The following RNPEPL1 variants were observed in gnomAD, a reference collection of about 807,000 sequenced individuals.
The protein encoded by RNPEPL1 is arginyl aminopeptidase like 1, also known as aminopeptidase RNPEPL1.
RNPEPL1 carries 46 observed loss-of-function variants against 69.0 expected under a neutral mutation model. The ratio of observed to expected loss-of-function variants is 0.67; its 90% CI spans 0.53 to 0.85. The LOEUF (loss-of-function observed/expected upper bound fraction) is 0.85. Ranked by LOEUF, RNPEPL1 falls within the 40% of genes least tolerant of loss-of-function variation. The pLI is 0.00. For synonymous variants in RNPEPL1, 525 were observed against 454.1 expected (o/e 1.16, Z -1.98); for missense variants, 869 against 992.5 (o/e 0.88, Z 1.67).
At chr2:240,572,004 C>G (rs550293121) in intron 1 of RNPEPL1, among the ~76,000 whole-genome samples, 1 of 152,236 alleles carries the variant, frequency 6.6e-6, no homozygotes, top group Admixed American at 6.5e-5. Context: ...ATCCCAGCCT[C>G]CTTTTCCTGA....
chr2:240,574,485 A>G (rs1410360092), intron 5 of RNPEPL1, 30 bp from the exon 6 acceptor site: 5 of 1,585,262 alleles, frequency 3.2e-6, no homozygotes, highest in Non-Finnish European at 8.6e-7. Context: ...ACACCCCCTC[A>G]CCTCTCCTCT....
Position 240,575,538 on chromosome 2 carries a change from G to A in RNPEPL1, c.1438G>A (p.Ala480Thr). ...GAAGTACAAGTTCACCAGCGTGGTG[G>A]CCCAGGACCTGCTGGACTCCTTCCT... ...VEKYKFTSVV[A>T]QDLLDSFLSF... The change falls in exon 8 of 11, where the codon GCC becomes ACC. Residue 480 changes from alanine (A) to threonine (T), a missense_variant. This residue lies in a region of RNPEPL1 where 610 missense variants were observed against 790.9 expected (regional missense o/e 0.77). Transcript: ENST00000270357. 6.2e-7 allele frequency: 1 copy of A among 1,613,584 alleles called. No individual in the cohort carries two copies. Among genetic ancestry groups the A allele is most frequent in the Non-Finnish European group, 8.5e-7 (1 of 1,180,002 alleles).
intron 1 of RNPEPL1, 75 bp from the exon 2 acceptor site, chr2:240,572,348 C>T (rs888066116): frequency 1.1e-5 from 16 of 1,489,612 alleles, no homozygotes; most frequent in African/African-American, 1.4e-5. Flanking sequence ...TGCCTTCTCT[C>T]AGGCTGCTGC....
intron 8 of RNPEPL1, chr2:240,576,139 G>T (rs1575438620): frequency 3.4e-6 from 1 of 290,784 alleles, no homozygotes; most frequent in African/African-American, 2.2e-5. Context: ...TGTGGGTAGG[G>T]AATGGGCACT....
chr2:240,576,277 G>A (rs554074559), intron 8 of RNPEPL1: 2 of 564,376 alleles, frequency 3.5e-6, no homozygotes, highest in East Asian at 2.9e-5. Flanking sequence ...CTTCCACCCA[G>A]GAGAGGCGTG....
chr2:240,570,487 G>A (rs993593386), intron 1 of RNPEPL1, among the ~76,000 whole-genome samples: 8 of 152,226 alleles, frequency 5.3e-5, no homozygotes, highest in Non-Finnish European at 1.0e-4. Context: ...GTATGTGAGC[G>A]CCATGGGGCT....
chr2:240,575,843 C>A, intron 8 of RNPEPL1: 1 of 550,096 alleles, frequency 1.8e-6, no homozygotes. Context: ...CCGAGTCAGG[C>A]ACTCCCAGGA....
At position 240,574,233 on chromosome 2, in the gene RNPEPL1, C is replaced by T. The variant is rs756776344; in HGVS notation, c.1059C>T (p.His353=). 5 of 1,613,300 alleles carry T rather than the reference C, an allele frequency of 3.1e-6. No homozygotes were observed. The highest frequency in any genetic ancestry group is 2.2e-5 in the South Asian group (2 of 91,084). ...AGTTCCTGGTCATCGATGTCATCCACGAGGTGGCCCACAGTTGGTTCGGCA... is the reference window on the plus strand; with the variant it reads ...AGTTCCTGGTCATCGATGTCATCCATGAGGTGGCCCACAGTTGGTTCGGCA... ...SDEFLVIDVI[H]EVAHSWFGNA... The change falls in exon 5 of 11, where the codon CAC becomes CAT. Residue 353 remains histidine, a synonymous_variant. Transcript: ENST00000270357.
intron 2 of RNPEPL1, 95 bp downstream of exon 2, chr2:240,572,658 G>A (rs553872422): frequency 2.1e-6 from 3 of 1,441,212 alleles, no homozygotes; most frequent in Non-Finnish European, 2.8e-6. Context: ...CTGGGCTGTG[G>A]CCCCAGCTGC....
chr2:240,574,521 C>T lies in RNPEPL1; in HGVS notation c.1181C>T (p.Ala394Val). ...RRITTETYGAAFTCLETAFRL... is the reference protein window; with the variant it reads ...RRITTETYGAVFTCLETAFRL... ...GTCTCCGGACCCCATCCAGGTGCTG[C>T]CTTCACCTGCCTGGAGACTGCCTTC... Residue 394 changes from alanine to valine, a missense_variant, in exon 6 of 11, where the codon GCC becomes GTC. Transcript: ENST00000270357. 1 of 1,610,448 alleles carries T rather than the reference C, an allele frequency of 6.2e-7. No individual in the cohort carries two copies. The highest frequency in any genetic ancestry group is 8.5e-7 in the Non-Finnish European group (1 of 1,178,986).
rs937549304 is a variant in RNPEPL1, at chr2:240,568,920, G to A, written c.334G>A (p.Gly112Arg). ...CTTCGCCTTCTCCGCCCCCGGGCCG[G>A]GGCCCGCGCCGCCGCCCCCGCTGCC... ...CAFAFSAPGP[G>R]PAPPPPLPAF... The change falls in exon 1 of 11, where the codon GGG (glycine) becomes AGG (arginine). Residue 112 changes from glycine to arginine, a missense_variant. By Grantham distance (125) the Gly-to-Arg change is moderately radical. Coordinates refer to ENST00000270357, the MANE Select transcript of RNPEPL1 (RefSeq NM_018226.6). This position sits in a 1 kb window ranked among gnomAD's most constrained non-coding sequence, Gnocchi z 6.2. The A allele has an allele frequency of 2.5e-5, 32 of 1,304,866 alleles. 1 individual carries two copies. Among genetic ancestry groups the A allele is most frequent in the South Asian group, 6.6e-5 (3 of 45,462 alleles). 80.8% of individuals were successfully genotyped at this position (1,304,866 alleles called of 1,614,324 possible). A position where few individuals can be genotyped will look rare whatever the true frequency, so the allele number is the denominator to read the frequency against.
chr2:240,569,611 C>A (rs1374290030), intron 1 of RNPEPL1, among the ~76,000 whole-genome samples: 1 of 152,214 alleles, frequency 6.6e-6, no homozygotes, highest in Non-Finnish European at 1.5e-5. Context: ...ATAGGCTCTG[C>A]AGGGCTTGCA....
intron 2 of RNPEPL1, 123 bp from the exon 3 acceptor site, chr2:240,572,987 C>A: frequency 1.7e-6 from 2 of 1,165,150 alleles, no homozygotes; most frequent in Non-Finnish European, 2.4e-6. Flanking sequence ...CTGACAGAAA[C>A]GTTCCCTGAT....
chr2:240,573,906 C>T lies in RNPEPL1; in HGVS notation c.938+15C>T. Reference sequence around the variant, plus strand: ...ATGTGGGGCAGGTAGGCCCCGGGGACCTGTGGACCTGGCTGGCTGGAAGGA... The same window carrying T: ...ATGTGGGGCAGGTAGGCCCCGGGGATCTGTGGACCTGGCTGGCTGGAAGGA... On this transcript the variant is annotated intron_variant, in intron 4 of 10. Coordinates refer to ENST00000270357, the MANE Select transcript of RNPEPL1 (RefSeq NM_018226.6). The T allele has an allele frequency of 6.4e-7, 1 of 1,573,780 alleles. No homozygotes were observed. The highest frequency in any genetic ancestry group is 8.6e-7 in the Non-Finnish European group (1 of 1,158,232).
chr2:240,577,092 C>T (rs2093040070), intron 10 of RNPEPL1, 102 bp downstream of exon 10: 2 of 1,456,368 alleles, frequency 1.4e-6, no homozygotes, highest in Admixed American at 3.6e-5. Flanking sequence ...AGGCCAGGCA[C>T]ATTCTGGAGA....
At chr2:240,576,136 A>C in intron 8 of RNPEPL1, 1 of 277,558 alleles carries the variant, frequency 3.6e-6, no homozygotes, top group Admixed American at 4.9e-5. Flanking sequence ...TTTTGTGGGT[A>C]GGGAATGGGC....
intron 8 of RNPEPL1, 117 bp from the exon 9 acceptor site, chr2:240,576,418 C>G (rs1479456457): frequency 3.1e-6 from 3 of 954,934 alleles, no homozygotes; most frequent in African/African-American, 1.6e-5. Flanking sequence ...CAGCCCACGT[C>G]CCTGGAACAG....
rs146212744 is a variant in RNPEPL1 at position 240,577,817 on chromosome 2, C to A, written c.2103C>A (p.Asp701Glu). 1.9e-6 allele frequency: 3 copies of A among 1,603,974 alleles called. No homozygotes were observed. The African/African-American group carries it at 4.0e-5, about 21-fold the overall frequency. ...LGKAEADTDS[D>E]AQALLLGDEA... is the part of the protein sequence containing the mutation. ...AGGCTGAAGCAGACACAGACTCGGA[C>A]GCACAGGCCCTGCTGCTTGGGGACG... The change falls in exon 11 of 11, where the codon GAC becomes GAA. Residue 701 changes from aspartate (D) to glutamate (E), a missense_variant. Around this residue, in one of 2 missense-constraint regions of RNPEPL1, gnomAD observed 610 missense variants for 790.9 expected, o/e 0.77. Coordinates refer to ENST00000270357, the MANE Select transcript of RNPEPL1 (RefSeq NM_018226.6).
chr2:240,569,122 C>G lies in RNPEPL1; in HGVS notation c.528+8C>G. On this transcript the variant is annotated splice_region_variant and intron_variant, in intron 1 of 10. Coordinates refer to ENST00000270357, the MANE Select transcript of RNPEPL1 (RefSeq NM_018226.6). ...TCGACCGACGCCCCCGCCGTGAGTC[C>G]GGGGCGGGCGCCGGGGCTGCGGGCC... 3 of 1,475,656 alleles carry G rather than the reference C, an allele frequency of 2.0e-6. No homozygotes were observed. The highest frequency in any genetic ancestry group is 1.8e-6 in the Non-Finnish European group (2 of 1,120,450). 91.4% of individuals were successfully genotyped at this position (1,475,656 alleles called of 1,614,324 possible).
Sources: gnomAD v4.1 joint callset for allele counts (sites outside exome capture counted in the v4.1 genomes callset) on GRCh38, gnomAD v4.1.1 for gene constraint, gnomAD v4.1.1 regional missense constraint, Gnocchi (gnomAD v3.1) non-coding constraint, MANE v1.5 for transcripts, NCBI Gene and HGNC (gene_info 2026-07-23, HGNC 2026-07-21) for gene names.